ZNF385D: variants seen among roughly 807,000 people sequenced by gnomAD.
The protein encoded by ZNF385D is zinc finger protein 385D, also known as zinc finger protein 659.
A neutral mutation model predicts 35.8 loss-of-function variants in ZNF385D; 15 were observed. The observed-to-expected ratio is 0.42, with a 90% CI of 0.28 to 0.64. ZNF385D has a LOEUF of 0.64. ZNF385D is among the 30% of genes least tolerant of loss of function. The pLI is 0.23. For synonymous variants in ZNF385D, 212 were observed against 186.8 expected, an observed-to-expected ratio of 1.13 and a Z score of -1.10; for missense variants, 474 against 494.6, an observed-to-expected ratio of 0.96 and a Z score of 0.39.
intron 1 of ZNF385D, among the ~76,000 whole-genome samples, chr3:21,677,975 C>A (rs2066780970): frequency 6.6e-6 from 1 of 151,920 alleles, no homozygotes; most frequent in African/African-American, 2.4e-5. Flanking sequence ...TTATACCACT[C>A]CCCTTCTAGT....
At chr3:22,126,310 G>GTTTTT (rs57457479) in intron 3 of ZNF385D, among the ~76,000 whole-genome samples, 1 of 100,154 alleles carries the variant, frequency 1.0e-5, no homozygotes, top group Non-Finnish European at 1.9e-5. Flanking sequence ...TTTGAAAGTT[G>GTTTTT]TTTTTTTTTT....
chr3:21,537,471 G>C (rs1025507064), intron 3 of ZNF385D, among the ~76,000 whole-genome samples: 1 of 151,916 alleles, frequency 6.6e-6, no homozygotes, highest in Non-Finnish European at 1.5e-5. Flanking sequence ...GACACGATGT[G>C]ACCCTGTGCT....
At chr3:22,090,490 C>T (rs1230858180) in intron 3 of ZNF385D, among the ~76,000 whole-genome samples, 3 of 151,686 alleles carry the variant, frequency 2.0e-5, no homozygotes, top group African/African-American at 4.8e-5. Context: ...TCTGAGTGAC[C>T]CTGAGCTCTT....
At chr3:21,654,617 C>T (rs979842474) in intron 2 of ZNF385D, among the ~76,000 whole-genome samples, 52 of 152,048 alleles carry the variant, frequency 3.4e-4, no homozygotes, top group African/African-American at 1.3e-3. Flanking sequence ...GCTGAAGGAC[C>T]AGCCCTACCC....
intron 1 of ZNF385D, among the ~76,000 whole-genome samples, chr3:21,666,432 T>C (rs1435290561): frequency 2.0e-5 from 3 of 152,222 alleles, no homozygotes; most frequent in African/African-American, 4.8e-5. Flanking sequence ...CTTACCTTCC[T>C]TCTTGAAATA....
At chr3:21,932,004 A>G (rs1701031923) in intron 3 of ZNF385D, among the ~76,000 whole-genome samples, 1 of 151,724 alleles carries the variant, frequency 6.6e-6, no homozygotes. Context: ...CGTCTCTACT[A>G]AAAATACAAA....
At chr3:21,474,324 A>G (rs1042219154) in intron 4 of ZNF385D, among the ~76,000 whole-genome samples, 5 of 152,158 alleles carry the variant, frequency 3.3e-5, no homozygotes, top group African/African-American at 1.2e-4. Flanking sequence ...CTGTGAGGAT[A>G]GCAAACCATG....
chr3:21,598,604 T>C (rs1206949812), intron 2 of ZNF385D, among the ~76,000 whole-genome samples: 1 of 152,166 alleles, frequency 6.6e-6, no homozygotes, highest in African/African-American at 2.4e-5. Context: ...TCTCAAAAAA[T>C]ATCTGTCGAC....
intron 2 of ZNF385D, among the ~76,000 whole-genome samples, chr3:22,295,118 G>A (rs1316390461): frequency 6.6e-6 from 1 of 152,072 alleles, no homozygotes. Flanking sequence ...TCATCATGCT[G>A]TTAATAACTT....
intron 3 of ZNF385D, among the ~76,000 whole-genome samples, chr3:22,029,600 C>T (rs6786071): frequency 0.054 from 8,233 of 152,244 alleles, 774 homozygotes; most frequent in African/African-American, 0.19. Context: ...TTGTTAAAAA[C>T]ATGTTTGTGC....
chr3:21,584,477 A>T (rs763207153), intron 2 of ZNF385D, among the ~76,000 whole-genome samples: 8 of 152,022 alleles, frequency 5.3e-5, no homozygotes, highest in Non-Finnish European at 1.2e-4. Context: ...TTTACACTTG[A>T]TCTTAGCCAA....
At chr3:21,916,989 G>A (rs1337993134) in intron 3 of ZNF385D, among the ~76,000 whole-genome samples, 4 of 152,144 alleles carry the variant, frequency 2.6e-5, no homozygotes, top group African/African-American at 9.7e-5. Context: ...GTTCTCTGCT[G>A]ATTTAGTAGA....
intron 2 of ZNF385D, among the ~76,000 whole-genome samples, chr3:22,188,727 GGCATGA>G (rs1695814654): frequency 6.6e-6 from 1 of 152,148 alleles, no homozygotes; most frequent in Admixed American, 6.6e-5. Flanking sequence ...TGAGATTACA[GGCATGA>G]GCCACCGCGC....
chr3:21,438,528 G>A (rs763031857), intron 4 of ZNF385D, among the ~76,000 whole-genome samples: 1 of 152,222 alleles, frequency 6.6e-6, no homozygotes, highest in South Asian at 2.1e-4. Flanking sequence ...AGGCATAGGG[G>A]TGAAAATATG....
intron 3 of ZNF385D, among the ~76,000 whole-genome samples, chr3:21,836,877 G>A (rs1288529960): frequency 6.6e-6 from 1 of 152,004 alleles, no homozygotes; most frequent in Admixed American, 6.6e-5. Flanking sequence ...TCTTAGAATG[G>A]TGAGAACCGG....
chr3:21,779,664 A>G (rs1434378710), intron 3 of ZNF385D, among the ~76,000 whole-genome samples: 7 of 152,012 alleles, frequency 4.6e-5, no homozygotes, highest in African/African-American at 9.7e-5. Flanking sequence ...CGCCTTCTCA[A>G]TGCCACTCAC....
At chr3:21,453,487 C>T (rs1009185551) in intron 4 of ZNF385D, among the ~76,000 whole-genome samples, 2 of 151,672 alleles carry the variant, frequency 1.3e-5, no homozygotes, top group African/African-American at 2.4e-5. Context: ...GGTCTAATAT[C>T]CATTATATAT....
chr3:21,806,879 C>G (rs1489805000), intron 3 of ZNF385D, among the ~76,000 whole-genome samples: 1 of 152,140 alleles, frequency 6.6e-6, no homozygotes, highest in Non-Finnish European at 1.5e-5. Flanking sequence ...CAAAGCAAAA[C>G]ATTAGCAGTA....
rs115926115 is a variant in ZNF385D at position 21,809,002 on chromosome 3, A to G, written c.326-143974T>C. On this transcript the variant is annotated intron_variant, in intron 3 of 5. Coordinates refer to the ZNF385D transcript ENST00000494108. ...AACATCAATGGGTTGCCCGCATGCT[A>G]TAAGAAAAGATAAGGAAACCAGAGT... Among the ~76,000 whole-genome samples, 812 of 152,338 alleles carry G rather than the reference A, an allele frequency of 5.3e-3. 7 individuals carry two copies. The highest frequency in any genetic ancestry group is 0.019 in the African/African-American group (785 of 41,582).
Sources: gnomAD v4.1 joint callset for allele counts (sites outside exome capture counted in the v4.1 genomes callset) on GRCh38, gnomAD v4.1.1 for gene constraint, MANE v1.5 for transcripts, NCBI Gene and HGNC (gene_info 2026-07-23, HGNC 2026-07-21) for gene names.